Variants in TDRP observed in about 807,000 individuals in gnomAD.
TDRP encodes testis development-related protein.
In TDRP, 12 loss-of-function variants were observed where a neutral mutation model predicts 10.5. The ratio of observed to expected loss-of-function variants is 1.15; its 90% CI spans 0.73 to 1.86. The LOEUF is 1.86. Among genes scored for constraint, TDRP ranks in the 40% most tolerant of loss-of-function variants. The pLI, the probability that TDRP is intolerant of heterozygous loss-of-function variation, is 0.00. For missense variants in TDRP, 353 were observed against 229.2 expected (o/e 1.54, Z -3.49); for synonymous variants, 139 against 95.4 (o/e 1.46, Z -2.67).
At chr8:508,340 T>C (rs1372508931) in intron 1 of TDRP, among the ~76,000 whole-genome samples, 1 of 152,240 alleles carries the variant, frequency 6.6e-6, no homozygotes, top group Non-Finnish European at 1.5e-5. Context: ...ATTTTCACAT[T>C]GCTATAAAGA....
intron 1 of TDRP, among the ~76,000 whole-genome samples, chr8:525,526 G>C (rs533550965): frequency 2.5e-4 from 38 of 152,032 alleles, no homozygotes; most frequent in Non-Finnish European, 5.1e-4. Flanking sequence ...AGATATACAT[G>C]GAAACAACAA....
chr8:523,056 T>C (rs1584874015), intron 1 of TDRP, among the ~76,000 whole-genome samples: 1 of 152,170 alleles, frequency 6.6e-6, no homozygotes, highest in African/African-American at 2.4e-5. Flanking sequence ...ATTGCCACTT[T>C]GTTAATTATG....
chr8:501,832 C>T (rs989950869), intron 1 of TDRP, among the ~76,000 whole-genome samples: 4 of 152,174 alleles, frequency 2.6e-5, no homozygotes, highest in Non-Finnish European at 5.9e-5. Context: ...CACTGGCGTC[C>T]CTGCAGTCAT....
At chr8:509,771 C>G (rs979045378) in intron 1 of TDRP, among the ~76,000 whole-genome samples, 1 of 152,238 alleles carries the variant, frequency 6.6e-6, no homozygotes, top group Non-Finnish European at 1.5e-5. Context: ...GCTTGAATTT[C>G]TCCCCCAAAA....
At chr8:514,132 A>C (rs1216209771) in intron 1 of TDRP, among the ~76,000 whole-genome samples, 1 of 152,208 alleles carries the variant, frequency 6.6e-6, no homozygotes, top group Non-Finnish European at 1.5e-5. Context: ...GATTCAAGCC[A>C]AAATAATCTT....
chr8:538,630 A>T (rs1802412529), intron 1 of TDRP, among the ~76,000 whole-genome samples: 1 of 152,212 alleles, frequency 6.6e-6, no homozygotes, highest in Admixed American at 6.5e-5. Flanking sequence ...AACCAAGTCC[A>T]AATCTAAACT....
chr8:533,482 T>C (rs1802263344), intron 1 of TDRP, among the ~76,000 whole-genome samples: 1 of 152,196 alleles, frequency 6.6e-6, no homozygotes, highest in Non-Finnish European at 1.5e-5. Flanking sequence ...AAGCTCACCT[T>C]TTCCTACATG....
At position 491,992 on chromosome 8, in the gene TDRP, T is replaced by G. The variant is rs1800989951; in HGVS notation, c.*407A>C. ...TAATTTTCTAGCAAAAGAAAAGAAC[T>G]GCATGACAGCTGCATTTATACGTGC... On this transcript the variant is annotated 3_prime_UTR_variant, in exon 3 of 3. Transcript: ENST00000324079. 8.9e-7 allele frequency: 1 copy of G among 1,118,536 alleles called. No homozygotes were observed. Among genetic ancestry groups the G allele is most frequent in the South Asian group, 3.7e-5 (1 of 26,892 alleles). The allele number at this position is 1,118,536 out of a possible 1,614,324, so 69.3% of individuals were successfully genotyped here.
intron 1 of TDRP, among the ~76,000 whole-genome samples, chr8:507,825 C>T (rs550917200): frequency 1.3e-5 from 2 of 152,298 alleles, no homozygotes; most frequent in Admixed American, 6.5e-5. Flanking sequence ...AGGCTTAATA[C>T]CTGGGTGACA....
intron 1 of TDRP, among the ~76,000 whole-genome samples, chr8:507,952 C>G (rs1196213306): frequency 6.6e-6 from 1 of 152,128 alleles, no homozygotes; most frequent in African/African-American, 2.4e-5. Context: ...TGTCCTGTTT[C>G]AACAGAAAGT....
rs2116713255 is a variant in TDRP, at chr8:494,584, C to T, written c.122G>A (p.Ser41Asn). The T allele has an allele frequency of 1.9e-6, 3 of 1,613,882 alleles. No individual in the cohort carries two copies. The East Asian group carries it at 6.7e-5, about 36-fold the overall frequency. Residue 41 changes from serine to asparagine, a missense_variant, in exon 2 of 3, where the codon AGT becomes AAT. Coordinates refer to ENST00000324079, the MANE Select transcript of TDRP (RefSeq NM_001384899.1). ...AGTCACTTCTTTCCAACCTCGGAAA[C>T]TTGCTCCCTGAACCTAATAAAAGGT... is the stretch of plus-strand genomic sequence containing the variant. ...AAAQAQVQGASFRGWKEVTSL... is the reference protein window; with the variant it reads ...AAAQAQVQGANFRGWKEVTSL...
chr8:542,589 G>T (rs1254712757), intron 1 of TDRP, among the ~76,000 whole-genome samples: 1 of 152,162 alleles, frequency 6.6e-6, no homozygotes, highest in African/African-American at 2.4e-5. Flanking sequence ...AACAGGCCAG[G>T]CGCGGTGGCT....
intron 1 of TDRP, among the ~76,000 whole-genome samples, chr8:513,787 G>T (rs937890486): frequency 2.0e-5 from 3 of 152,164 alleles, no homozygotes; most frequent in Admixed American, 1.3e-4. Flanking sequence ...ACTAATAAAA[G>T]AGTTCAACAC....
intron 1 of TDRP, among the ~76,000 whole-genome samples, chr8:501,863 T>C (rs151320738): frequency 4.6e-5 from 7 of 152,238 alleles, no homozygotes; most frequent in Admixed American, 2.0e-4. Flanking sequence ...ATACAGCTCT[T>C]TGTGAAGATG....
In TDRP at chr8:491,615, C is replaced by A. The variant is rs1800976212; in HGVS notation, c.*784G>T. The A allele has an allele frequency of 1.3e-6, 2 of 1,530,814 alleles. No individual in the cohort carries two copies. The highest frequency in any genetic ancestry group is 4.0e-5 in the Admixed American group (2 of 49,860). 94.8% of individuals were successfully genotyped at this position (1,530,814 alleles called of 1,614,324 possible). ...TCTTAACTCTCTATAATGAGCAAGACAATGTTTCCTAAATGAAATTATCAA... is the reference window on the plus strand; with the variant it reads ...TCTTAACTCTCTATAATGAGCAAGAAAATGTTTCCTAAATGAAATTATCAA... On this transcript the variant is annotated 3_prime_UTR_variant, in exon 3 of 3. Transcript: ENST00000324079.
intron 1 of TDRP, among the ~76,000 whole-genome samples, chr8:511,637 T>A (rs543897081): frequency 1.3e-5 from 2 of 152,298 alleles, no homozygotes; most frequent in East Asian, 3.9e-4. Flanking sequence ...AACAATAGAA[T>A]GTACATTCTT....
chr8:544,936 C>T (rs1243348431), upstream of TDRP: 7 of 368,810 alleles, frequency 1.9e-5, no homozygotes, highest in East Asian at 2.9e-4. Context: ...CCAGGCCCGC[C>T]CCAAACCCTC....
At chr8:517,264 CA>C (rs1393458461) in intron 1 of TDRP, among the ~76,000 whole-genome samples, 1 of 152,120 alleles carries the variant, frequency 6.6e-6, no homozygotes, top group Non-Finnish European at 1.5e-5. Context: ...TATTTTACCC[CA>C]AAATATATTT....
At chr8:506,589 G>C (rs914115354) in intron 1 of TDRP, among the ~76,000 whole-genome samples, 1 of 152,174 alleles carries the variant, frequency 6.6e-6, no homozygotes, top group Non-Finnish European at 1.5e-5. Flanking sequence ...CCCTTCCTGG[G>C]CTCGAGAGGT....
Sources: allele counts gnomAD v4.1 joint callset (sites outside exome capture counted in the v4.1 genomes callset), GRCh38; gene constraint gnomAD v4.1.1; transcripts MANE v1.5; gene names NCBI Gene and HGNC (gene_info 2026-07-23, HGNC 2026-07-21).